Variants in WDR49 observed in about 807,000 individuals in gnomAD.
WDR49 encodes the protein WD repeat domain 49, also known as cilia- and flagella-associated protein 337.
A neutral mutation model predicts 119.5 loss-of-function variants in WDR49; 107 were observed. That is an observed-to-expected ratio of 0.90 (90% CI 0.77 to 1.05). WDR49 has a LOEUF of 1.05. Ranked by LOEUF, WDR49 falls within the 50% of genes least tolerant of loss-of-function variation. The pLI is 0.00. For synonymous variants in WDR49, 425 were observed against 418.8 expected, an observed-to-expected ratio of 1.01 and a Z score of -0.18; for missense variants, 1,240 against 1,220.5, an observed-to-expected ratio of 1.02 and a Z score of -0.24.
intron 10 of WDR49, among the ~76,000 whole-genome samples, chr3:167,545,863 TA>T (rs909454782): frequency 1.3e-5 from 2 of 148,168 alleles, no homozygotes; most frequent in Non-Finnish European, 3.0e-5. Flanking sequence ...ACTATTGAAA[TA>T]AAAAATAAAA....
At chr3:167,627,854 A>C (rs1717202578) in intron 2 of WDR49, among the ~76,000 whole-genome samples, 1 of 152,048 alleles carries the variant, frequency 6.6e-6, no homozygotes, top group Non-Finnish European at 1.5e-5. Context: ...CTTTGCCGAT[A>C]TTGTGATTTT....
chr3:167,576,990 A>G (rs1286153332), intron 7 of WDR49, among the ~76,000 whole-genome samples: 1 of 152,082 alleles, frequency 6.6e-6, no homozygotes. Context: ...TTTTTGGTAA[A>G]ATAAAAGAAG....
chr3:167,563,123 T>G (rs917095702), intron 8 of WDR49, among the ~76,000 whole-genome samples: 2 of 151,956 alleles, frequency 1.3e-5, no homozygotes, highest in Non-Finnish European at 2.9e-5. Context: ...TTGCAGCACT[T>G]TGGAAGGCCG....
Position 167,653,401 on chromosome 3 carries a change from C to G in WDR49, c.25G>C (p.Glu9Gln). Reference sequence around the variant, plus strand: ...CCAAGCTGTGACCCTATGTTTAACTCAAGTACAGCTTTCTGGCAACTCATA... The same window carrying G: ...CCAAGCTGTGACCCTATGTTTAACTGAAGTACAGCTTTCTGGCAACTCATA... MSCQKAVL[E>Q]LNIGSQLGPK... The change falls in exon 2 of 19, where the codon GAG (glutamate) becomes CAG (glutamine). Residue 9 changes from glutamate to glutamine, a missense_variant. Glu to Gln is a conservative substitution (Grantham distance 29). Transcript: ENST00000682715. The G allele has an allele frequency of 6.5e-7, 1 of 1,527,096 alleles. No homozygotes were observed. Among genetic ancestry groups the G allele is most frequent in the Non-Finnish European group, 8.7e-7 (1 of 1,143,324 alleles). The allele number at this position is 1,527,096 out of a possible 1,614,324, so 94.6% of individuals were successfully genotyped here.
At chr3:167,510,279 T>C (rs1008708812) in intron 16 of WDR49, among the ~76,000 whole-genome samples, 1 of 152,190 alleles carries the variant, frequency 6.6e-6, no homozygotes, top group Non-Finnish European at 1.5e-5. Flanking sequence ...GTATTAATTT[T>C]ATAATAAGGA....
At chr3:167,569,930 G>A (rs950084307) in intron 8 of WDR49, among the ~76,000 whole-genome samples, 1 of 152,072 alleles carries the variant, frequency 6.6e-6, no homozygotes, top group African/African-American at 2.4e-5. Flanking sequence ...ATGTAAACAC[G>A]TTATTTCTTC....
chr3:167,584,542 C>CA (rs1002744955), intron 7 of WDR49, among the ~76,000 whole-genome samples: 1 of 151,738 alleles, frequency 6.6e-6, no homozygotes, highest in African/African-American at 2.4e-5. Flanking sequence ...TCAAAGTACA[C>CA]AAAAAAGAGA....
At chr3:167,558,780 C>T (rs1713097091) in intron 9 of WDR49, among the ~76,000 whole-genome samples, 1 of 152,092 alleles carries the variant, frequency 6.6e-6, no homozygotes, top group South Asian at 2.1e-4. Context: ...GATTCTATAC[C>T]CAGTTACTTT....
intron 7 of WDR49, among the ~76,000 whole-genome samples, chr3:167,596,749 C>T (rs4996920): frequency 0.33 from 44,624 of 137,124 alleles, 9,134 homozygotes; most frequent in African/African-American, 0.57. Flanking sequence ...AGGGATAGCA[C>T]TGGGAGATAT....
At chr3:167,514,813 T>A (rs945864215) in intron 16 of WDR49, among the ~76,000 whole-genome samples, 1 of 152,072 alleles carries the variant, frequency 6.6e-6, no homozygotes, top group Non-Finnish European at 1.5e-5. Flanking sequence ...ATATCACCAC[T>A]GGCCCCACAG....
chr3:167,566,054 A>G (rs55853354), intron 8 of WDR49, among the ~76,000 whole-genome samples: 49,897 of 151,910 alleles, frequency 0.33, 8,482 homozygotes, highest in African/African-American at 0.39. Flanking sequence ...TGACTCTGAA[A>G]CTCTACCAAT....
intron 10 of WDR49, among the ~76,000 whole-genome samples, chr3:167,539,312 T>C (rs1233339478): frequency 6.6e-6 from 1 of 152,126 alleles, no homozygotes; most frequent in Admixed American, 6.5e-5. Context: ...ATATTCTTAG[T>C]CTTCTCTAGG....
At chr3:167,573,391 TAC>T (rs57955643) in intron 8 of WDR49, among the ~76,000 whole-genome samples, 3,886 of 141,968 alleles carry the variant, frequency 0.027, 40 homozygotes, top group African/African-American at 0.034. Context: ...TTATGTGGAA[TAC>T]ACACACACAC....
chr3:167,579,531 A>C (rs1301137006), intron 7 of WDR49, among the ~76,000 whole-genome samples: 1 of 152,140 alleles, frequency 6.6e-6, no homozygotes, highest in Non-Finnish European at 1.5e-5. Flanking sequence ...GAACTAACCT[A>C]GTCAGTCTCT....
chr3:167,532,696 T>C (rs1752892757), intron 12 of WDR49, among the ~76,000 whole-genome samples, 183 bp downstream of exon 12: 1 of 152,176 alleles, frequency 6.6e-6, no homozygotes, highest in African/African-American at 2.4e-5. Flanking sequence ...GAGAGTGTGC[T>C]AAGCCAAGTA....
At chr3:167,641,010 TG>T (rs1273265318) in intron 2 of WDR49, among the ~76,000 whole-genome samples, 24 of 151,918 alleles carry the variant, frequency 1.6e-4, no homozygotes, top group Non-Finnish European at 4.4e-5. Context: ...GCTTACTGAA[TG>T]GAAAGTCCTG....
intron 4 of WDR49, among the ~76,000 whole-genome samples, chr3:167,621,037 G>C (rs1294462437): frequency 6.6e-6 from 1 of 152,038 alleles, no homozygotes; most frequent in Non-Finnish European, 1.5e-5. Flanking sequence ...ATATGATACA[G>C]GCAATGAGCA....
chr3:167,554,223 T>G (rs1050825161), intron 10 of WDR49, among the ~76,000 whole-genome samples: 1 of 152,150 alleles, frequency 6.6e-6, no homozygotes, highest in East Asian at 1.9e-4. Context: ...TTTTCTGCAC[T>G]GATAGAAAGG....
At chr3:167,521,499 T>C (rs1471912629) in intron 16 of WDR49, among the ~76,000 whole-genome samples, 1 of 152,228 alleles carries the variant, frequency 6.6e-6, no homozygotes, top group East Asian at 1.9e-4. Flanking sequence ...GTTTCACCTG[T>C]TTAACATAGA....
Sources: allele counts gnomAD v4.1 joint callset (sites outside exome capture counted in the v4.1 genomes callset), GRCh38; gene constraint gnomAD v4.1.1; transcripts MANE v1.5; gene names NCBI Gene and HGNC (gene_info 2026-07-23, HGNC 2026-07-21).